FRMD4B: variants seen among roughly 807,000 people sequenced by gnomAD.
FRMD4B encodes the protein FERM domain containing 4B.
A neutral mutation model predicts 141.5 loss-of-function variants in FRMD4B; 74 were observed. The ratio of observed to expected loss-of-function variants is 0.52; its 90% CI spans 0.43 to 0.63. The LOEUF (loss-of-function observed/expected upper bound fraction) is 0.63. FRMD4B is among the 30% of genes least tolerant of loss of function. The probability of loss-of-function intolerance (pLI) is 0.00; values close to 1 mark genes in which losing one functional copy is unlikely to be tolerated. For synonymous variants in FRMD4B, 506 were observed against 467.9 expected (o/e 1.08, Z -1.05); for missense variants, 1,366 against 1,253.4 (o/e 1.09, Z -1.36).
intron 1 of FRMD4B, among the ~76,000 whole-genome samples, chr3:69,475,070 T>A (rs1341011828): frequency 6.6e-6 from 1 of 152,158 alleles, no homozygotes; most frequent in Non-Finnish European, 1.5e-5. Context: ...CCCTTACCTC[T>A]TAGGGCCACA....
chr3:69,256,461 A>C (rs115329331), intron 5 of FRMD4B, among the ~76,000 whole-genome samples: 364 of 152,284 alleles, frequency 2.4e-3, no homozygotes, highest in African/African-American at 8.4e-3. Flanking sequence ...CTGGGATTAC[A>C]AGCACACGCT....
At chr3:69,283,970 C>CAAAAAAAAAAAAAAAAAAA (rs146536193) in intron 5 of FRMD4B, among the ~76,000 whole-genome samples, 1 of 137,748 alleles carries the variant, frequency 7.3e-6, no homozygotes, top group African/African-American at 2.7e-5. Flanking sequence ...CAAAACAAAA[C>CAAAAAAAAAAAAAAAAAAA]AAAACAAAAA....
chr3:69,227,649 T>C (rs1338087634), intron 7 of FRMD4B, among the ~76,000 whole-genome samples: 1 of 144,810 alleles, frequency 6.9e-6, no homozygotes, highest in Non-Finnish European at 1.5e-5. Flanking sequence ...GGGACAAGAG[T>C]GAGACTTTGT....
intron 18 of FRMD4B, among the ~76,000 whole-genome samples, chr3:69,188,800 G>A (rs2092801798): frequency 6.8e-6 from 1 of 147,694 alleles, no homozygotes; most frequent in Non-Finnish European, 1.5e-5. Flanking sequence ...GGAAGATAAA[G>A]CAGTGGGGGT....
chr3:69,528,049 A>C (rs1428366609), intron 1 of FRMD4B, among the ~76,000 whole-genome samples: 1 of 152,212 alleles, frequency 6.6e-6, no homozygotes, highest in Non-Finnish European at 1.5e-5. Flanking sequence ...TTATACAAGA[A>C]GATAGAATCT....
chr3:69,419,935 C>T (rs1260313341), intron 2 of FRMD4B, among the ~76,000 whole-genome samples: 1 of 152,346 alleles, frequency 6.6e-6, no homozygotes, highest in East Asian at 1.9e-4. Context: ...TGGCTCACTG[C>T]AACCTCTGTC....
chr3:69,363,020 A>C (rs1461031662), intron 1 of FRMD4B, among the ~76,000 whole-genome samples: 1 of 151,836 alleles, frequency 6.6e-6, no homozygotes, highest in Admixed American at 6.6e-5. Flanking sequence ...ACAAAAAGTG[A>C]AAATAACTTT....
At chr3:69,540,670 C>T (rs1414824286) in intron 1 of FRMD4B, among the ~76,000 whole-genome samples, 4,695 of 115,048 alleles carry the variant, frequency 0.041, 162 homozygotes, top group Non-Finnish European at 0.056. Flanking sequence ...TACACACACA[C>T]ACACACACAC....
rs1575585791 is a variant in FRMD4B at position 69,182,579 on chromosome 3, G to A, written c.2039+19C>T. ...CAAAAATCAAGACAGCTAAAGCAAT[G>A]AGAAAGAAGCTCTCTTACTCCAAGT... is the stretch of plus-strand genomic sequence containing the variant. On this transcript the variant is annotated intron_variant, in intron 20 of 22. Transcript: ENST00000398540. 2 of 1,586,870 alleles carry A rather than the reference G, an allele frequency of 1.3e-6. No individual in the cohort carries two copies. Among genetic ancestry groups the A allele is most frequent in the African/African-American group, 1.4e-5 (1 of 73,234 alleles).
At chr3:69,256,697 G>A (rs1164659287) in intron 5 of FRMD4B, among the ~76,000 whole-genome samples, 1 of 152,130 alleles carries the variant, frequency 6.6e-6, no homozygotes, top group Admixed American at 6.6e-5. Flanking sequence ...TACCCTACAA[G>A]GCAATTATTC....
chr3:69,540,385 C>A (rs1221211859), intron 1 of FRMD4B, among the ~76,000 whole-genome samples: 2 of 151,464 alleles, frequency 1.3e-5, no homozygotes, highest in African/African-American at 2.4e-5. Flanking sequence ...GAGGCCGAGG[C>A]GGGCGGATCA....
chr3:69,291,279 A>C (rs1260154999), intron 4 of FRMD4B, among the ~76,000 whole-genome samples: 8 of 152,194 alleles, frequency 5.3e-5, no homozygotes. Context: ...CTTCTCTAAC[A>C]GGGACTGTAT....
intron 1 of FRMD4B, among the ~76,000 whole-genome samples, chr3:69,502,366 G>A (rs1462254753): frequency 6.6e-6 from 1 of 152,142 alleles, no homozygotes; most frequent in Non-Finnish European, 1.5e-5. Context: ...AGAGCCCTCA[G>A]AAATAATACC....
chr3:69,429,858 G>T (rs991366387), intron 2 of FRMD4B, among the ~76,000 whole-genome samples: 3 of 144,116 alleles, frequency 2.1e-5, no homozygotes, highest in African/African-American at 7.7e-5. Flanking sequence ...CTCCTGAATT[G>T]AAGTGATTCT....
intron 7 of FRMD4B, among the ~76,000 whole-genome samples, chr3:69,244,131 AG>A (rs1457829875): frequency 6.6e-6 from 1 of 152,282 alleles, no homozygotes; most frequent in East Asian, 1.9e-4. Context: ...AGTCAGGCTG[AG>A]TGGGAAGGAA....
intron 1 of FRMD4B, among the ~76,000 whole-genome samples, chr3:69,516,046 G>C (rs991781495): frequency 2.6e-5 from 4 of 152,034 alleles, no homozygotes; most frequent in Non-Finnish European, 4.4e-5. Context: ...GCAACAAAGA[G>C]AGACTCCATC....
intron 18 of FRMD4B, among the ~76,000 whole-genome samples, chr3:69,189,066 A>G (rs1404792413): frequency 6.6e-6 from 1 of 151,644 alleles, no homozygotes; most frequent in African/African-American, 2.4e-5. Flanking sequence ...TACTAAAAAT[A>G]CAAAAATTAG....
chr3:69,493,117 A>G (rs1357851023), intron 1 of FRMD4B, among the ~76,000 whole-genome samples: 1 of 152,210 alleles, frequency 6.6e-6, no homozygotes, highest in Non-Finnish European at 1.5e-5. Context: ...TACACAATCA[A>G]AAGCACAAAC....
chr3:69,457,165 G>T (rs1705632338), intron 1 of FRMD4B, among the ~76,000 whole-genome samples: 1 of 151,960 alleles, frequency 6.6e-6, no homozygotes, highest in Non-Finnish European at 1.5e-5. Flanking sequence ...AAGAAAGGAG[G>T]GAATTATTTA....
Sources: allele counts gnomAD v4.1 joint callset (sites outside exome capture counted in the v4.1 genomes callset), GRCh38; gene constraint gnomAD v4.1.1; transcripts MANE v1.5; gene names NCBI Gene and HGNC (gene_info 2026-07-23, HGNC 2026-07-21).